The following TRIP12 variants were observed in gnomAD, a reference collection of about 807,000 sequenced individuals.
TRIP12 encodes thyroid hormone receptor interactor 12.
In TRIP12, 25 loss-of-function variants were observed where a neutral mutation model predicts 244.2. The observed-to-expected ratio is 0.10, with a 90% CI of 0.07 to 0.14. TRIP12 has a LOEUF of 0.14. Among genes scored for constraint, TRIP12 ranks in the 10% least tolerant of loss-of-function variants. TRIP12 has a pLI of 1.00. For synonymous variants in TRIP12, 905 were observed against 873.1 expected (o/e 1.04, Z -0.64); for missense variants, 1,677 against 2,486.4 (o/e 0.67, Z 6.92).
chr2:229,874,153 G>T (rs967053051), intron 2 of TRIP12, among the ~76,000 whole-genome samples: 2 of 151,916 alleles, frequency 1.3e-5, no homozygotes, highest in Admixed American at 1.3e-4. Flanking sequence ...GACAAAAGAC[G>T]CTAACAAACA....
intron 16 of TRIP12, 118 bp downstream of exon 16, chr2:229,808,133 AT>A (rs1424896788): frequency 7.6e-6 from 6 of 794,636 alleles, no homozygotes; most frequent in African/African-American, 7.0e-5. Context: ...CGCCCAGGTA[AT>A]TTTTTGTATT....
At position 229,865,213 on chromosome 2, in the gene TRIP12, G is replaced by A. The variant is rs76834293; in HGVS notation, c.99-4682C>T. On this transcript the variant is annotated intron_variant, in intron 2 of 41. Coordinates refer to ENST00000675903, the MANE Select transcript of TRIP12 (RefSeq NM_001348323.3). Reference sequence around the variant, plus strand: ...TGTATTCCTAGCTACTCGGGAAGCTGGGGTGGGGAAGATCACTCGAGCCTA... The same window carrying A: ...TGTATTCCTAGCTACTCGGGAAGCTAGGGTGGGGAAGATCACTCGAGCCTA... Among the ~76,000 whole-genome samples, 904 of 151,824 alleles carry A rather than the reference G, an allele frequency of 6.0e-3. 10 individuals are homozygous for A. The highest frequency in any genetic ancestry group is 0.02 in the African/African-American group (832 of 41,374).
At chr2:229,922,844 G>A (rs1403539620), upstream of TRIP12, among the ~76,000 whole-genome samples, 1 of 152,196 alleles carries the variant, frequency 6.6e-6, no homozygotes, top group African/African-American at 2.4e-5. Context: ...CCTCCCCGCG[G>A]TGCCGCGTGC....
chr2:229,802,033 TC>T (rs1394503241), intron 21 of TRIP12, among the ~76,000 whole-genome samples: 1 of 152,190 alleles, frequency 6.6e-6, no homozygotes, highest in Non-Finnish European at 1.5e-5. Flanking sequence ...TCCTTGTATG[TC>T]AGTGGGAATA....
chr2:229,802,213 C>CTT, intron 21 of TRIP12, 39 bp downstream of exon 21: 1 of 1,533,642 alleles, frequency 6.5e-7, no homozygotes, highest in South Asian at 1.2e-5. Context: ...GCAGCGCTAA[C>CTT]AGCAAAGAAA....
At chr2:229,863,031 C>T (rs2060712961) in intron 2 of TRIP12, among the ~76,000 whole-genome samples, 1 of 151,990 alleles carries the variant, frequency 6.6e-6, no homozygotes, top group Non-Finnish European at 1.5e-5. Context: ...AGTTCAAGAC[C>T]AGCCTGGCCA....
In TRIP12 at chr2:229,778,554, A is replaced by G; in HGVS notation, c.5243T>C (p.Leu1748Pro). 3 of 1,614,054 alleles carry G rather than the reference A, an allele frequency of 1.9e-6. No individual in the cohort carries two copies. The highest frequency in any genetic ancestry group is 2.5e-6 in the Non-Finnish European group (3 of 1,179,928). ...SQEGTKYIQN[L>P]QGLFALPFGR... ...AAAGGGAAGCGCAAACAGGCCCTGG[A>G]GGTTTTGAATATACTTGGTCCCTTC... is the stretch of plus-strand genomic sequence containing the variant. Residue 1748 changes from leucine (L) to proline (P), a missense_variant, in exon 36 of 42, where the codon CTC becomes CCC. Leu to Pro is a moderately conservative substitution (Grantham distance 98, BLOSUM62 -3). Transcript: ENST00000675903. The surrounding 1 kb of genome is among the most constrained non-coding windows in gnomAD (Gnocchi z 4.1).
chr2:229,843,050 T>TTC (rs1160171742), intron 4 of TRIP12, among the ~76,000 whole-genome samples: 4 of 147,062 alleles, frequency 2.7e-5, no homozygotes, highest in Admixed American at 6.7e-5. Context: ...TATTCTCTCT[T>TTC]TCTCTCTCTC....
At chr2:229,844,832 C>A (rs999489355) in intron 4 of TRIP12, among the ~76,000 whole-genome samples, 1 of 152,190 alleles carries the variant, frequency 6.6e-6, no homozygotes, top group Non-Finnish European at 1.5e-5. Context: ...AGTACACACA[C>A]CTATTTTTAA....
chr2:229,892,575 C>A (rs2067629748), intron 1 of TRIP12, among the ~76,000 whole-genome samples: 1 of 151,808 alleles, frequency 6.6e-6, no homozygotes, highest in East Asian at 1.9e-4. Flanking sequence ...TGACAAAATA[C>A]AAAAAAAATT....
chr2:229,909,758 C>T (rs2073900731), intron 1 of TRIP12, among the ~76,000 whole-genome samples: 1 of 151,774 alleles, frequency 6.6e-6, no homozygotes, highest in Non-Finnish European at 1.5e-5. Flanking sequence ...GAGGTGAAGG[C>T]AGGAGGATCA....
At chr2:229,797,927 C>T (rs764246932) in intron 23 of TRIP12, 96 bp from the exon 24 acceptor site, 4 of 1,285,752 alleles carry the variant, frequency 3.1e-6, no homozygotes, top group Non-Finnish European at 4.3e-6. Context: ...TAAAATTCAT[C>T]CTGGTCTATG....
Position 229,767,401 on chromosome 2 carries a change from A to C in TRIP12, c.*153T>G. 1.2e-6 allele frequency: 1 copy of C among 854,154 alleles called. No homozygotes were observed. The highest frequency in any genetic ancestry group is 2.7e-5 in the South Asian group (1 of 37,326). 52.9% of individuals were successfully genotyped at this position (854,154 alleles called of 1,614,324 possible). On this transcript the variant is annotated 3_prime_UTR_variant, in exon 42 of 42. Transcript: ENST00000675903. ...TTTAAGTCCATGGGGCCATTAATGAATATCAACCAAATGTCTCTTTATAAT... is the reference window on the plus strand; with the variant it reads ...TTTAAGTCCATGGGGCCATTAATGACTATCAACCAAATGTCTCTTTATAAT...
intron 1 of TRIP12, among the ~76,000 whole-genome samples, chr2:229,891,002 G>A (rs2067215473): frequency 1.3e-5 from 2 of 152,170 alleles, no homozygotes; most frequent in Non-Finnish European, 2.9e-5. Context: ...AATAGGCTGG[G>A]TGCAATGTCT....
chr2:229,799,184 G>A, intron 22 of TRIP12, 99 bp downstream of exon 22: 4 of 1,520,656 alleles, frequency 2.6e-6, no homozygotes, highest in East Asian at 2.3e-5. Flanking sequence ...AGGAAACTTA[G>A]GCATACTTCA....
Position 229,804,157 on chromosome 2 carries a change from C to G in TRIP12, c.2721G>C (p.Lys907Asn). The change falls in exon 19 of 42, where the codon AAG (lysine) becomes AAC (asparagine). Residue 907 changes from lysine (K) to asparagine (N), a missense_variant. Transcript: ENST00000675903. ...CACCAAATAATGTCTTAATAAAAGA[C>G]TTAGCCAGTTCCGGATCCTCTTTCA... is the stretch of plus-strand genomic sequence containing the variant. ...QLMKEDPELA[K>N]SFIKTLFGVL... 6.2e-7 allele frequency: 1 copy of G among 1,614,090 alleles called. No individual in the cohort carries two copies. The highest frequency in any genetic ancestry group is 8.5e-7 in the Non-Finnish European group (1 of 1,179,990).
At chr2:229,797,349 G>T (rs1171224492) in intron 24 of TRIP12, among the ~76,000 whole-genome samples, 3 of 152,138 alleles carry the variant, frequency 2.0e-5, no homozygotes, top group Non-Finnish European at 4.4e-5. Context: ...GTGAAGAGAG[G>T]GGCTAAGGAA....
chr2:229,884,236 CTTTTTTT>C (rs200052292), intron 1 of TRIP12, among the ~76,000 whole-genome samples: 1 of 123,604 alleles, frequency 8.1e-6, no homozygotes, highest in Non-Finnish European at 1.6e-5. Flanking sequence ...TTTTTCTTTT[CTTTTTTT>C]TTTTTTTTTT....
At chr2:229,796,898 C>G (rs1427109213) in intron 24 of TRIP12, 116 bp from the exon 25 acceptor site, 1 of 877,100 alleles carries the variant, frequency 1.1e-6, no homozygotes, top group Non-Finnish European at 1.7e-6. Context: ...AAAAAGAGGG[C>G]AGGGGAGTGG....
Sources: gnomAD v4.1 joint callset for allele counts (sites outside exome capture counted in the v4.1 genomes callset) on GRCh38, gnomAD v4.1.1 for gene constraint, Gnocchi (gnomAD v3.1) non-coding constraint, MANE v1.5 for transcripts, NCBI Gene and HGNC (gene_info 2026-07-23, HGNC 2026-07-21) for gene names.